The following KCNMA1 variants were observed in gnomAD, a reference collection of about 807,000 sequenced individuals.
KCNMA1 encodes potassium calcium-activated channel subfamily M alpha 1, also known as Calcium-activated potassium channel subunit alpha-1.
Under a neutral mutation model 140.0 loss-of-function variants are expected in KCNMA1, and 29 were observed. That is an observed-to-expected ratio of 0.21 (90% CI 0.15 to 0.28). The LOEUF (loss-of-function observed/expected upper bound fraction) is 0.28, where lower values mean the gene tolerates loss of function less well. KCNMA1 is among the 10% of genes least tolerant of loss of function. The pLI is 1.00. For missense variants in KCNMA1, 880 were observed against 1,602.2 expected, an observed-to-expected ratio of 0.55 and a Z score of 7.70; for synonymous variants, 612 against 611.9, an observed-to-expected ratio of 1.00 and a Z score of 0.00.
intron 2 of KCNMA1, among the ~76,000 whole-genome samples, chr10:77,310,261 G>A (rs1355547890): frequency 6.6e-6 from 1 of 152,130 alleles, no homozygotes; most frequent in Admixed American, 6.6e-5. Flanking sequence ...CCTTGACTTA[G>A]GAGTGCCCCC....
chr10:77,233,592 A>G (rs191053289), intron 3 of KCNMA1, among the ~76,000 whole-genome samples: 114 of 152,328 alleles, frequency 7.5e-4, no homozygotes, highest in Admixed American at 1.8e-3. Context: ...AGGACTGCGC[A>G]TGCCTCCAGG....
intron 1 of KCNMA1, among the ~76,000 whole-genome samples, chr10:77,408,532 G>C (rs577440108): frequency 2.2e-4 from 34 of 152,284 alleles, no homozygotes; most frequent in African/African-American, 7.7e-4. Flanking sequence ...GTGCATCTGT[G>C]TGTGTGCTCA....
At chr10:77,374,018 G>T (rs976072924) in intron 2 of KCNMA1, among the ~76,000 whole-genome samples, 13 of 152,202 alleles carry the variant, frequency 8.5e-5, no homozygotes, top group African/African-American at 3.1e-4. Flanking sequence ...AGATGAAAAA[G>T]ATTGATTGGT....
At chr10:77,228,430 G>A (rs986086050) in intron 3 of KCNMA1, among the ~76,000 whole-genome samples, 1 of 152,030 alleles carries the variant, frequency 6.6e-6, no homozygotes, top group African/African-American at 2.4e-5. Context: ...ATACATGATC[G>A]AGAAGAGCAC....
At chr10:77,042,577 A>G (rs1047084022) in intron 14 of KCNMA1, among the ~76,000 whole-genome samples, 1 of 152,190 alleles carries the variant, frequency 6.6e-6, no homozygotes, top group Non-Finnish European at 1.5e-5. Flanking sequence ...TTTATGGTCT[A>G]ATTTAAATAC....
chr10:77,591,131 GC>G (rs1407733821), intron 1 of KCNMA1, among the ~76,000 whole-genome samples: 1 of 152,208 alleles, frequency 6.6e-6, no homozygotes, highest in African/African-American at 2.4e-5. Context: ...ATCTCAGCCA[GC>G]CAAGGTCAAC....
At chr10:77,229,745 C>CTATATATA (rs146102707) in intron 3 of KCNMA1, among the ~76,000 whole-genome samples, 36 of 148,350 alleles carry the variant, frequency 2.4e-4, no homozygotes, top group African/African-American at 8.4e-4. Flanking sequence ...GGAGTAGTGG[C>CTATATATA]TATATATATA....
intron 1 of KCNMA1, among the ~76,000 whole-genome samples, chr10:77,478,954 C>T (rs533165028): frequency 2.6e-5 from 4 of 152,234 alleles, no homozygotes; most frequent in African/African-American, 9.6e-5. Context: ...AAAAGCAGAA[C>T]ACTAAATCGC....
At chr10:77,556,406 G>A (rs1164549971) in intron 1 of KCNMA1, among the ~76,000 whole-genome samples, 5 of 149,260 alleles carry the variant, frequency 3.3e-5, no homozygotes, top group Non-Finnish European at 5.9e-5. Context: ...TCGGGAGGCT[G>A]AGGCAGGAGA....
intron 2 of KCNMA1, among the ~76,000 whole-genome samples, chr10:77,349,650 A>C (rs1210519604): frequency 6.6e-6 from 1 of 152,136 alleles, no homozygotes; most frequent in East Asian, 1.9e-4. Flanking sequence ...ATGTAGAGTC[A>C]ATCAGAAAAT....
At chr10:77,135,667 G>C (rs989012032) in intron 5 of KCNMA1, among the ~76,000 whole-genome samples, 1 of 152,168 alleles carries the variant, frequency 6.6e-6, no homozygotes, top group African/African-American at 2.4e-5. Flanking sequence ...GCCAAGAAAA[G>C]AATAAATCCT....
At position 77,061,294 on chromosome 10, in the gene KCNMA1, A is replaced by G. The variant is rs145412340; in HGVS notation, c.1749+11803T>C. Among the ~76,000 whole-genome samples the G allele has an allele frequency of 1.1e-3, 173 of 152,346 alleles. 1 individual carries two copies. Among genetic ancestry groups the G allele is most frequent in the African/African-American group, 4.0e-3 (167 of 41,572 alleles). ...AATTGTATATCCAACGAGATCCAAAATATATAAAGAATTCTTAAACAGTAA... is the reference window on the plus strand; with the variant it reads ...AATTGTATATCCAACGAGATCCAAAGTATATAAAGAATTCTTAAACAGTAA... On this transcript the variant is annotated intron_variant, in intron 14 of 27. Coordinates refer to ENST00000286628, the MANE Select transcript of KCNMA1 (RefSeq NM_001161352.2).
chr10:77,283,914 C>T (rs986013350), intron 2 of KCNMA1, among the ~76,000 whole-genome samples: 13 of 152,120 alleles, frequency 8.5e-5, no homozygotes, highest in African/African-American at 2.2e-4. Context: ...AGAAGTTTCT[C>T]AAGAAAGTCG....
At chr10:77,405,235 T>A (rs1284465146) in intron 1 of KCNMA1, among the ~76,000 whole-genome samples, 1 of 152,238 alleles carries the variant, frequency 6.6e-6, no homozygotes, top group Non-Finnish European at 1.5e-5. Flanking sequence ...CCTGGCCACC[T>A]GTTTAAATTT....
intron 2 of KCNMA1, among the ~76,000 whole-genome samples, chr10:77,277,145 G>T (rs1406938781): frequency 6.6e-5 from 10 of 152,164 alleles, no homozygotes; most frequent in African/African-American, 2.4e-4. Context: ...TCCCAGCATG[G>T]TTGGGGGAAG....
chr10:77,597,939 C>T (rs1410065833), intron 1 of KCNMA1, among the ~76,000 whole-genome samples: 3 of 152,142 alleles, frequency 2.0e-5, no homozygotes, highest in Non-Finnish European at 4.4e-5. Flanking sequence ...TCATTGGCTG[C>T]ATTCACTTCT....
At chr10:77,119,102 C>T (rs991349608) in intron 6 of KCNMA1, among the ~76,000 whole-genome samples, 1 of 152,234 alleles carries the variant, frequency 6.6e-6, no homozygotes, top group Non-Finnish European at 1.5e-5. Flanking sequence ...CGTCCCCTGG[C>T]TGGCTGCTTC....
intron 2 of KCNMA1, among the ~76,000 whole-genome samples, chr10:77,353,515 A>G (rs529007070): frequency 4.4e-4 from 67 of 152,196 alleles, no homozygotes; most frequent in Middle Eastern, 3.4e-3. Flanking sequence ...CAGCAACCCT[A>G]TAAGATATGT....
At chr10:77,438,405 A>C (rs2097308305) in intron 1 of KCNMA1, among the ~76,000 whole-genome samples, 1 of 152,056 alleles carries the variant, frequency 6.6e-6, no homozygotes, top group Admixed American at 6.6e-5. Flanking sequence ...CTCTACTAAA[A>C]ATACAAAATT....
Sources: gnomAD v4.1 joint callset for allele counts (sites outside exome capture counted in the v4.1 genomes callset) on GRCh38, gnomAD v4.1.1 for gene constraint, MANE v1.5 for transcripts, NCBI Gene and HGNC (gene_info 2026-07-23, HGNC 2026-07-21) for gene names.